Variants in CREB5 observed in about 807,000 individuals in gnomAD.
CREB5 encodes the protein cAMP responsive element binding protein 5.
Under a neutral mutation model 57.1 loss-of-function variants are expected in CREB5, and 19 were observed. That is an observed-to-expected ratio of 0.33 (90% CI 0.23 to 0.49). The LOEUF (loss-of-function observed/expected upper bound fraction) is 0.49. Ranked by LOEUF, CREB5 falls within the 20% of genes least tolerant of loss-of-function variation. CREB5 has a pLI of 0.99. For synonymous variants in CREB5, 238 were observed against 238.3 expected (o/e 1.00, Z 0.01); for missense variants, 579 against 671.6 (o/e 0.86, Z 1.52).
chr7:28,301,304 T>C (rs1398994474), intron 1 of CREB5, among the ~76,000 whole-genome samples: 3 of 152,196 alleles, frequency 2.0e-5, no homozygotes, highest in Non-Finnish European at 2.9e-5. Context: ...CTAGTGTGTG[T>C]GGGAGCAAAC....
At chr7:28,331,514 T>C (rs1485651513) in intron 1 of CREB5, among the ~76,000 whole-genome samples, 1 of 152,142 alleles carries the variant, frequency 6.6e-6, no homozygotes, top group African/African-American at 2.4e-5. Context: ...CGTGTGCAAA[T>C]GACTAAAATC....
intron 4 of CREB5, among the ~76,000 whole-genome samples, chr7:28,560,825 C>CGCGTGTGTGTGTGTGCGTGTGT (rs1795083388): frequency 2.7e-5 from 1 of 37,566 alleles, no homozygotes; most frequent in African/African-American, 7.2e-5. Flanking sequence ...TGTGTGTGCG[C>CGCGTGTGTGTGTGTGCGTGTGT]GCGCGCGCGT....
chr7:28,555,892 C>A (rs1361032276), intron 4 of CREB5, among the ~76,000 whole-genome samples: 1 of 152,074 alleles, frequency 6.6e-6, no homozygotes, highest in Non-Finnish European at 1.5e-5. Flanking sequence ...TAAATTTGTT[C>A]CACATTGAAG....
At chr7:28,603,737 C>T (rs976773989) in intron 5 of CREB5, among the ~76,000 whole-genome samples, 2 of 152,292 alleles carry the variant, frequency 1.3e-5, no homozygotes, top group East Asian at 1.9e-4. Context: ...CGCTTTAGTT[C>T]GTTACTTAGT....
In CREB5 at chr7:28,571,363, CCTT is replaced by C. The variant is rs747939422; in HGVS notation, c.464+830_464+832del. On this transcript the variant is annotated intron_variant, in intron 5 of 10. Transcript: ENST00000357727. ...CCTCTGCTTATTCTTCCCTGCTTCT[CCTT>C]CTTGTAACTGCCTCCTTACTAGCCC... is the stretch of plus-strand genomic sequence containing the variant. Among the ~76,000 whole-genome samples, 10 of 152,194 alleles carry C rather than the reference CCTT, an allele frequency of 6.6e-5. 1 individual carries two copies. Among genetic ancestry groups the C allele is most frequent in the Non-Finnish European group, 1.2e-4 (8 of 68,038 alleles).
chr7:28,366,153 TA>T (rs1786582499), intron 1 of CREB5, among the ~76,000 whole-genome samples: 1 of 152,184 alleles, frequency 6.6e-6, no homozygotes, highest in African/African-American at 2.4e-5. Flanking sequence ...ATTTTCCCAA[TA>T]TATTTTATCA....
intron 5 of CREB5, among the ~76,000 whole-genome samples, chr7:28,576,532 C>T (rs892176937): frequency 6.6e-6 from 1 of 152,186 alleles, no homozygotes; most frequent in African/African-American, 2.4e-5. Context: ...CTGAGACTGG[C>T]AGAATCATCT....
In CREB5 at chr7:28,488,256, C is replaced by T. The variant is rs375178323; in HGVS notation, c.75+10C>T. ...CCCAGGCTGCTCCCAGGTGAGTGTG[C>T]GGATCCTCCCTGCTCTGACATGCAG... is the stretch of plus-strand genomic sequence containing the variant. On this transcript the variant is annotated intron_variant, in intron 2 of 10. Transcript: ENST00000357727. 26 of 1,612,240 alleles carry T rather than the reference C, an allele frequency of 1.6e-5. No homozygotes were observed. Among genetic ancestry groups the T allele is most frequent in the Non-Finnish European group, 2.2e-5 (26 of 1,178,994 alleles).
chr7:28,492,974 A>T (rs1791872675), intron 2 of CREB5, among the ~76,000 whole-genome samples: 1 of 152,142 alleles, frequency 6.6e-6, no homozygotes, highest in Non-Finnish European at 1.5e-5. Flanking sequence ...ACTTCAGTGT[A>T]TTCAGAAATC....
At chr7:28,330,604 A>C (rs529425743) in intron 1 of CREB5, among the ~76,000 whole-genome samples, 1 of 149,738 alleles carries the variant, frequency 6.7e-6, no homozygotes, top group Non-Finnish European at 1.5e-5. Context: ...TTTGCAAAAC[A>C]GAATAGTGAA....
At chr7:28,438,292 G>A (rs1789038860) in intron 1 of CREB5, among the ~76,000 whole-genome samples, 1 of 152,042 alleles carries the variant, frequency 6.6e-6, no homozygotes, top group African/African-American at 2.4e-5. Context: ...TCACACTGAA[G>A]AATATGTTGC....
intron 5 of CREB5, among the ~76,000 whole-genome samples, chr7:28,649,197 C>T (rs1184439089): frequency 6.6e-6 from 1 of 152,224 alleles, no homozygotes; most frequent in African/African-American, 2.4e-5. Context: ...AGAAAGGAAG[C>T]CACCAAAACG....
At chr7:28,331,472 A>G (rs1785715184) in intron 1 of CREB5, among the ~76,000 whole-genome samples, 1 of 152,158 alleles carries the variant, frequency 6.6e-6, no homozygotes, top group Non-Finnish European at 1.5e-5. Context: ...CTTGGGGAAG[A>G]GAATGCATGG....
At chr7:28,792,861 C>T (rs1807804436) in intron 7 of CREB5, among the ~76,000 whole-genome samples, 1 of 152,082 alleles carries the variant, frequency 6.6e-6, no homozygotes, top group Non-Finnish European at 1.5e-5. Context: ...GTGCTCAGAG[C>T]CCAGGGGCTA....
chr7:28,472,375 C>T (rs1245329822), intron 1 of CREB5, among the ~76,000 whole-genome samples: 1 of 151,902 alleles, frequency 6.6e-6, no homozygotes, highest in East Asian at 1.9e-4. Flanking sequence ...TCATTTAATC[C>T]TCAAAAAAAT....
At chr7:28,720,513 G>A (rs1350921861) in intron 6 of CREB5, among the ~76,000 whole-genome samples, 1 of 152,174 alleles carries the variant, frequency 6.6e-6, no homozygotes. Context: ...GATCATCCCA[G>A]GTTGAGCAAT....
chr7:28,511,870 C>G (rs899032123), intron 4 of CREB5, among the ~76,000 whole-genome samples: 1 of 152,140 alleles, frequency 6.6e-6, no homozygotes. Context: ...AGCAAACTAT[C>G]GAAGAGCAGT....
intron 1 of CREB5, among the ~76,000 whole-genome samples, chr7:28,482,559 A>G (rs970523465): frequency 6.6e-6 from 1 of 152,238 alleles, no homozygotes; most frequent in Admixed American, 6.5e-5. Flanking sequence ...AGGAAGGTCC[A>G]GTTTCCTCCT....
At chr7:28,468,560 G>A (rs1268828782) in intron 1 of CREB5, among the ~76,000 whole-genome samples, 1 of 152,184 alleles carries the variant, frequency 6.6e-6, no homozygotes, top group African/African-American at 2.4e-5. Context: ...GGGGAAGGAG[G>A]TGCTAAGAAT....
Sources: allele counts gnomAD v4.1 joint callset (sites outside exome capture counted in the v4.1 genomes callset), GRCh38; gene constraint gnomAD v4.1.1; transcripts MANE v1.5; gene names NCBI Gene and HGNC (gene_info 2026-07-23, HGNC 2026-07-21).